The following MAP2 variants were observed in gnomAD, a reference collection of about 807,000 sequenced individuals.
MAP2 encodes the protein microtubule-associated protein 2.
Under a neutral mutation model 137.6 loss-of-function variants are expected in MAP2, and 14 were observed. The ratio of observed to expected loss-of-function variants is 0.10; its 90% CI spans 0.07 to 0.16. The LOEUF is 0.16. Among genes scored for constraint, MAP2 ranks in the 10% least tolerant of loss-of-function variants. MAP2 has a pLI of 1.00. For synonymous variants in MAP2, 786 were observed against 782.3 expected, an observed-to-expected ratio of 1.00 and a Z score of -0.08; for missense variants, 2,088 against 2,191.5, an observed-to-expected ratio of 0.95 and a Z score of 0.94.
chr2:209,449,195 A>G (rs1699781075), intron 1 of MAP2, among the ~76,000 whole-genome samples: 1 of 152,214 alleles, frequency 6.6e-6, no homozygotes, highest in African/African-American at 2.4e-5. Flanking sequence ...AGTCTTATTT[A>G]GCACTGTATC....
At chr2:209,434,943 GTGTT>G (rs1695533458) in intron 1 of MAP2, among the ~76,000 whole-genome samples, 2 of 128,838 alleles carry the variant, frequency 1.6e-5, no homozygotes, top group Admixed American at 1.5e-4. Context: ...TTATATATAT[GTGTT>G]TTATATATAT....
chr2:209,629,650 A>G (rs991252370), intron 4 of MAP2, among the ~76,000 whole-genome samples: 5 of 152,202 alleles, frequency 3.3e-5, no homozygotes, highest in African/African-American at 1.2e-4. Context: ...AGATGCTTCC[A>G]TTATAAAAGC....
intron 1 of MAP2, among the ~76,000 whole-genome samples, chr2:209,447,592 G>A (rs1456330965): frequency 6.6e-6 from 1 of 152,036 alleles, no homozygotes; most frequent in African/African-American, 2.4e-5. Flanking sequence ...TTAAGGGACA[G>A]TCTCACATGC....
intron 3 of MAP2, among the ~76,000 whole-genome samples, chr2:209,591,296 C>T (rs1233263202): frequency 6.6e-6 from 1 of 152,192 alleles, no homozygotes; most frequent in Non-Finnish European, 1.5e-5. Flanking sequence ...GCAAGAGCTA[C>T]TGACATCTAA....
intron 2 of MAP2, among the ~76,000 whole-genome samples, chr2:209,540,649 AAAAAAAAAAAAAAG>A (rs1364106995): frequency 6.8e-6 from 1 of 146,658 alleles, no homozygotes; most frequent in Non-Finnish European, 1.5e-5. Context: ...AAAAAAAAAA[AAAAAAAAAAAAAAG>A]AAGAAAAGAA....
At chr2:209,507,716 G>A (rs2061243940) in intron 2 of MAP2, 75 bp downstream of exon 2, 1 of 152,108 alleles carries the variant, frequency 6.6e-6, no homozygotes, top group Non-Finnish European at 1.5e-5. Context: ...TTAGATAGCT[G>A]TGTCAGAAAT....
chr2:209,718,611 G>T (rs1052581671), intron 13 of MAP2, among the ~76,000 whole-genome samples: 32 of 151,926 alleles, frequency 2.1e-4, no homozygotes, highest in African/African-American at 7.5e-4. Context: ...TTCACCCCGG[G>T]CTTTTCAGTG....
At chr2:209,560,897 C>T (rs2071892742) in intron 2 of MAP2, among the ~76,000 whole-genome samples, 1 of 152,184 alleles carries the variant, frequency 6.6e-6, no homozygotes, top group South Asian at 2.1e-4. Flanking sequence ...TAACTTACCC[C>T]TACATGACCA....
chr2:209,431,138 C>G (rs182276005), intron 1 of MAP2, among the ~76,000 whole-genome samples: 1 of 152,004 alleles, frequency 6.6e-6, no homozygotes, highest in African/African-American at 2.4e-5. Flanking sequence ...TTGTACAATC[C>G]TGGACATTCT....
At chr2:209,641,265 T>C (rs2094002506) in intron 4 of MAP2, among the ~76,000 whole-genome samples, 1 of 152,154 alleles carries the variant, frequency 6.6e-6, no homozygotes. Context: ...TTTTGTTAAG[T>C]GAACCTGGAC....
intron 1 of MAP2, among the ~76,000 whole-genome samples, chr2:209,498,354 C>T (rs2150081044): frequency 6.6e-6 from 1 of 152,322 alleles, no homozygotes; most frequent in Admixed American, 6.5e-5. Flanking sequence ...CTCCCCATAC[C>T]CCTCAGATGC....
chr2:209,473,846 C>T (rs573467026), intron 1 of MAP2, among the ~76,000 whole-genome samples: 21 of 152,256 alleles, frequency 1.4e-4, no homozygotes, highest in African/African-American at 5.1e-4. Flanking sequence ...TGACTAAATA[C>T]ATATTTGTAT....
At chr2:209,532,767 C>G (rs1052615185) in intron 2 of MAP2, among the ~76,000 whole-genome samples, 1 of 152,192 alleles carries the variant, frequency 6.6e-6, no homozygotes, top group Non-Finnish European at 1.5e-5. Flanking sequence ...TCAATGTGGA[C>G]TAGTTGTACA....
chr2:209,504,613 A>G lies in MAP2; in HGVS notation c.-221-2979A>G, dbSNP rs189160425. Among the ~76,000 whole-genome samples the G allele has an allele frequency of 7.0e-4, 106 of 152,344 alleles. 1 individual carries two copies. The highest frequency in any genetic ancestry group is 2.4e-3 in the African/African-American group (99 of 41,588). ...AGAGCAGGTTTTTGTATGAGACACC[A>G]TGCAAGATCCTAGGATAACAGCATC... On this transcript the variant is annotated intron_variant, in intron 1 of 15. Transcript: ENST00000682079.
intron 2 of MAP2, among the ~76,000 whole-genome samples, chr2:209,573,617 A>T (rs2074810548): frequency 1.3e-5 from 2 of 152,004 alleles, no homozygotes; most frequent in South Asian, 2.1e-4. Flanking sequence ...TTTTTTACTG[A>T]GTTATTGAGA....
rs1371982188 is a variant in MAP2 at position 209,696,997 on chromosome 2, G to C, written c.4468G>C (p.Ala1490Pro). The change falls in exon 10 of 16, where the codon GCT becomes CCT. Residue 1490 changes from alanine to proline, a missense_variant. Ala to Pro is a conservative substitution (Grantham distance 27). Transcript: ENST00000682079. ...SPSRKFILKP[A>P]IKYTRPTHLS... ...CTCCAGGAAATTCATTTTAAAACCTGCTATCAAATATACTAGACCAACTCA... is the reference window on the plus strand; with the variant it reads ...CTCCAGGAAATTCATTTTAAAACCTCCTATCAAATATACTAGACCAACTCA... 6.2e-7 allele frequency: 1 copy of C among 1,613,320 alleles called. No individual in the cohort carries two copies. Among genetic ancestry groups the C allele is most frequent in the Non-Finnish European group, 8.5e-7 (1 of 1,179,824 alleles).
At chr2:209,429,731 AT>A (rs1258832169) in intron 1 of MAP2, among the ~76,000 whole-genome samples, 20 of 152,242 alleles carry the variant, frequency 1.3e-4, no homozygotes, top group Non-Finnish European at 2.5e-4. Context: ...CAAAACCATC[AT>A]TTCAATATGA....
intron 1 of MAP2, among the ~76,000 whole-genome samples, chr2:209,466,256 A>T (rs182021582): frequency 6.6e-6 from 1 of 152,282 alleles, no homozygotes; most frequent in East Asian, 1.9e-4. Context: ...TTAGCTTTTG[A>T]TTAAAAGACC....
chr2:209,620,356 A>G (rs938029749), intron 3 of MAP2, among the ~76,000 whole-genome samples: 5 of 152,140 alleles, frequency 3.3e-5, no homozygotes, highest in African/African-American at 1.2e-4. Context: ...TACCTTACCC[A>G]AGTTCTCTGC....
Sources: gnomAD v4.1 joint callset for allele counts (sites outside exome capture counted in the v4.1 genomes callset) on GRCh38, gnomAD v4.1.1 for gene constraint, MANE v1.5 for transcripts, NCBI Gene and HGNC (gene_info 2026-07-23, HGNC 2026-07-21) for gene names.